The following CSMD1 variants were observed in gnomAD, a reference collection of about 807,000 sequenced individuals.
CSMD1 encodes CUB and sushi domain-containing protein 1.
In CSMD1, 213 loss-of-function variants were observed where a neutral mutation model predicts 417.5. That is an observed-to-expected ratio of 0.51 (90% CI 0.46 to 0.57). The LOEUF is 0.57. Ranked by LOEUF, CSMD1 falls within the 20% of genes least tolerant of loss-of-function variation. The pLI is 0.00. For missense variants in CSMD1, 6,923 were observed against 4,529.7 expected (o/e 1.53, Z -15.17); for synonymous variants, 2,862 against 1,736.8 (o/e 1.65, Z -16.11).
At chr8:3,217,186 C>T (rs991352959) in intron 29 of CSMD1, among the ~76,000 whole-genome samples, 18 of 152,044 alleles carry the variant, frequency 1.2e-4, no homozygotes, top group African/African-American at 2.9e-4. Flanking sequence ...ACATCACTGT[C>T]GTGGGCTGCA....
intron 12 of CSMD1, among the ~76,000 whole-genome samples, chr8:3,459,571 A>G (rs979232545): frequency 2.6e-5 from 4 of 152,166 alleles, no homozygotes; most frequent in African/African-American, 9.7e-5. Flanking sequence ...GCAGAAATGC[A>G]TCCCTTTGCC....
chr8:3,387,642 G>C lies in CSMD1; in HGVS notation c.2634C>G (p.Ile878Met). The C allele has an allele frequency of 1.2e-6, 2 of 1,600,956 alleles. No individual in the cohort carries two copies. Among genetic ancestry groups the C allele is most frequent in the Non-Finnish European group, 1.7e-6 (2 of 1,173,608 alleles). Residue 878 changes from isoleucine to methionine, a missense_variant, in exon 18 of 70, where the codon ATC (isoleucine) becomes ATG (methionine). Transcript: ENST00000635120. ...CACCGTGGCGATGGCCGTTCACAGG[G>C]ATGCCCGGGTCCAGGCAGGAATCCG... is the stretch of plus-strand genomic sequence containing the variant. Reference protein sequence around the residue: ...LESDSCLDPGIPVNGHRHGGD... With the variant: ...LESDSCLDPGMPVNGHRHGGD...
At chr8:3,053,139 T>C (rs1811980532) in intron 49 of CSMD1, among the ~76,000 whole-genome samples, 1 of 152,152 alleles carries the variant, frequency 6.6e-6, no homozygotes, top group Admixed American at 6.5e-5. Context: ...CTTAAGTATA[T>C]TAAAGGTTAA....
chr8:3,453,017 G>T (rs979989525), intron 12 of CSMD1, among the ~76,000 whole-genome samples: 1 of 152,154 alleles, frequency 6.6e-6, no homozygotes, highest in Non-Finnish European at 1.5e-5. Flanking sequence ...TCTATTCAGA[G>T]ATTCAACTTC....
chr8:3,352,569 G>A (rs115810608), intron 21 of CSMD1, among the ~76,000 whole-genome samples: 3,646 of 152,294 alleles, frequency 0.024, 142 homozygotes, highest in African/African-American at 0.083. Context: ...GCTGGGCGCG[G>A]TGGCTCACAT....
intron 3 of CSMD1, among the ~76,000 whole-genome samples, chr8:4,111,909 T>C (rs919695371): frequency 6.6e-6 from 1 of 152,188 alleles, no homozygotes. Context: ...CCAGCACATG[T>C]ACCCCAGAAC....
intron 15 of CSMD1, among the ~76,000 whole-genome samples, chr8:3,400,574 T>C (rs998374503): frequency 2.0e-5 from 3 of 152,006 alleles, no homozygotes; most frequent in Non-Finnish European, 4.4e-5. Flanking sequence ...GGAAACTGCA[T>C]GACCATATAT....
chr8:4,863,664 T>G (rs554261280), intron 1 of CSMD1, among the ~76,000 whole-genome samples: 37 of 152,166 alleles, frequency 2.4e-4, no homozygotes, highest in Non-Finnish European at 3.7e-4. Flanking sequence ...ATGTCTAATT[T>G]GAATCTAAAT....
At chr8:4,117,395 G>C (rs1022811893) in intron 3 of CSMD1, among the ~76,000 whole-genome samples, 1 of 151,124 alleles carries the variant, frequency 6.6e-6, no homozygotes, top group Non-Finnish European at 1.5e-5. Flanking sequence ...GAGCTCCCAA[G>C]CTGAACCTCT....
chr8:3,993,301 G>C (rs530127107), intron 5 of CSMD1, among the ~76,000 whole-genome samples: 1 of 152,162 alleles, frequency 6.6e-6, no homozygotes, highest in Non-Finnish European at 1.5e-5. Flanking sequence ...TTTGGGGCAC[G>C]TGAGAGAAGG....
At chr8:3,991,968 T>C (rs1814783321) in intron 5 of CSMD1, among the ~76,000 whole-genome samples, 1 of 150,672 alleles carries the variant, frequency 6.6e-6, no homozygotes, top group Non-Finnish European at 1.5e-5. Flanking sequence ...TTATTAAATG[T>C]TTTTTTACAA....
chr8:4,774,031 A>G (rs1796726850), intron 1 of CSMD1, among the ~76,000 whole-genome samples: 1 of 152,072 alleles, frequency 6.6e-6, no homozygotes, highest in Admixed American at 6.6e-5. Flanking sequence ...CCCCAACTCT[A>G]CTAAAAATAC....
At chr8:3,454,036 T>G (rs1335762302) in intron 12 of CSMD1, among the ~76,000 whole-genome samples, 1 of 152,220 alleles carries the variant, frequency 6.6e-6, no homozygotes, top group African/African-American at 2.4e-5. Flanking sequence ...TTAGCTCTTC[T>G]TGTTGAATTG....
chr8:3,027,403 G>A (rs141721427), intron 51 of CSMD1, among the ~76,000 whole-genome samples: 419 of 152,256 alleles, frequency 2.8e-3, no homozygotes, highest in African/African-American at 9.3e-3. Context: ...GAGAAAACAA[G>A]GACCATTTCA....
chr8:4,369,489 A>G (rs189859584), intron 3 of CSMD1, among the ~76,000 whole-genome samples: 39 of 152,244 alleles, frequency 2.6e-4, no homozygotes, highest in Non-Finnish European at 4.1e-4. Context: ...TAAGTTCAAA[A>G]TATCTGTTAG....
chr8:4,156,444 A>G lies in CSMD1; in HGVS notation c.416-124345T>C, dbSNP rs75511135. ...CTGACTTGAGAAAGAAAGGATAAAT[A>G]TGCTATTGGTGCTAACTCTTTTATT... On this transcript the variant is annotated intron_variant, in intron 3 of 69. Coordinates refer to ENST00000635120, the MANE Select transcript of CSMD1 (RefSeq NM_033225.6). Among the ~76,000 whole-genome samples the G allele has an allele frequency of 1.6e-3, 243 of 152,282 alleles. 1 individual carries two copies. The highest frequency in any genetic ancestry group is 5.7e-3 in the African/African-American group (238 of 41,544).
At chr8:3,106,880 T>C (rs1036785349) in intron 45 of CSMD1, 2 of 357,080 alleles carry the variant, frequency 5.6e-6, no homozygotes, top group African/African-American at 2.1e-5. Context: ...CTTTTCTTCC[T>C]TGACTGAGGC....
At chr8:4,216,075 C>G (rs1424219792) in intron 3 of CSMD1, among the ~76,000 whole-genome samples, 1 of 152,172 alleles carries the variant, frequency 6.6e-6, no homozygotes, top group Non-Finnish European at 1.5e-5. Flanking sequence ...AAAGGGAGGT[C>G]ACTATGCTAT....
At position 3,385,224 on chromosome 8, in the gene CSMD1, C is replaced by A. The variant is rs1296635148; in HGVS notation, c.2782+2270G>T. Among the ~76,000 whole-genome samples, 5 of 145,276 alleles carry A rather than the reference C, an allele frequency of 3.4e-5. No homozygotes were observed. The East Asian group carries it at 6.0e-4, about 17-fold the overall frequency. ...AGAAATGTAAAATCATATACATATACATGCATATCTATGAATGCATATGTA... is the reference window on the plus strand; with the variant it reads ...AGAAATGTAAAATCATATACATATAAATGCATATCTATGAATGCATATGTA... On this transcript the variant is annotated intron_variant, in intron 18 of 69. Coordinates refer to ENST00000635120, the MANE Select transcript of CSMD1 (RefSeq NM_033225.6).
Sources: gnomAD v4.1 joint callset for allele counts (sites outside exome capture counted in the v4.1 genomes callset) on GRCh38, gnomAD v4.1.1 for gene constraint, MANE v1.5 for transcripts, NCBI Gene and HGNC (gene_info 2026-07-23, HGNC 2026-07-21) for gene names.